DCUN1D4: variants seen among roughly 807,000 people sequenced by gnomAD.
DCUN1D4 encodes defective in cullin neddylation 1 domain containing 4, also known as DCN1-like protein 4.
Under a neutral mutation model 47.9 loss-of-function variants are expected in DCUN1D4, and 22 were observed. That is an observed-to-expected ratio of 0.46 (90% CI 0.33 to 0.66). The LOEUF (loss-of-function observed/expected upper bound fraction) is 0.66. DCUN1D4 is among the 30% of genes least tolerant of loss of function. The pLI is 0.02. For synonymous variants in DCUN1D4, 121 were observed against 112.2 expected, an observed-to-expected ratio of 1.08 and a Z score of -0.50; for missense variants, 301 against 340.8, an observed-to-expected ratio of 0.88 and a Z score of 0.92.
intron 8 of DCUN1D4, among the ~76,000 whole-genome samples, chr4:51,903,052 T>G (rs1278611668): frequency 6.6e-6 from 1 of 152,224 alleles, no homozygotes; most frequent in Admixed American, 6.5e-5. Flanking sequence ...AATATGCTAC[T>G]ATAACTTTTG....
In DCUN1D4 at chr4:51,863,421, C is replaced by A; in HGVS notation, c.26-16C>A. On this transcript the variant is annotated splice_polypyrimidine_tract_variant and intron_variant, in intron 1 of 10. Coordinates refer to ENST00000334635, the MANE Select transcript of DCUN1D4 (RefSeq NM_001040402.3). ...GGAAATAAATGACGCTGACATTTTT[C>A]CTTTTTCTTTTCAAGATTTTCAGCT... The A allele has an allele frequency of 6.3e-7, 1 of 1,591,186 alleles. No individual in the cohort carries two copies. The highest frequency in any genetic ancestry group is 8.6e-7 in the Non-Finnish European group (1 of 1,163,738).
At chr4:51,874,733 CACT>C (rs1452954757) in intron 4 of DCUN1D4, 1 of 187,688 alleles carries the variant, frequency 5.3e-6, no homozygotes, top group Non-Finnish European at 1.1e-5. Flanking sequence ...CTCACTCATT[CACT>C]TCAACCACAG....
intron 5 of DCUN1D4, 138 bp downstream of exon 5, chr4:51,877,992 G>T: frequency 6.5e-6 from 3 of 461,068 alleles, no homozygotes; most frequent in South Asian, 4.9e-5. Flanking sequence ...AGGGAGAGAG[G>T]GACATAGCTG....
At chr4:51,864,194 G>T (rs145750487) in intron 3 of DCUN1D4, among the ~76,000 whole-genome samples, 2 of 152,098 alleles carry the variant, frequency 1.3e-5, no homozygotes, top group Non-Finnish European at 2.9e-5. Context: ...TCACCTGAGG[G>T]AAGGCCTTGT....
chr4:51,863,694 G>T lies in DCUN1D4; in HGVS notation c.121G>T (p.Asp41Tyr). 2 of 1,613,472 alleles carry T rather than the reference G, an allele frequency of 1.2e-6. No homozygotes were observed. The highest frequency in any genetic ancestry group is 1.7e-6 in the Non-Finnish European group (2 of 1,179,818). Residue 41 changes from aspartate to tyrosine, a missense_variant, in exon 3 of 11, where the codon GAC becomes TAC. Around this residue, in one of 2 missense-constraint regions of DCUN1D4, gnomAD observed 131 missense variants for 106.3 expected, o/e 1.23. Coordinates refer to ENST00000334635, the MANE Select transcript of DCUN1D4 (RefSeq NM_001040402.3). ...KLNLTEDIGQ[D>Y]DHQTGSLRSC... is the part of the protein sequence containing the mutation. ...GAACCTAACAGAAGACATTGGCCAA[G>T]ACGATCACCAAACAGGTATCTGTAA...
chr4:51,902,717 A>T (rs1732308276), intron 8 of DCUN1D4, among the ~76,000 whole-genome samples: 1 of 152,192 alleles, frequency 6.6e-6, no homozygotes, highest in Admixed American at 6.5e-5. Context: ...AAACTATTAC[A>T]TTTAATGTAA....
At position 51,913,593 on chromosome 4, in the gene DCUN1D4, G is replaced by A. The variant is rs757340983; in HGVS notation, c.*9G>A. ...ACAAACAGATGTCCTAGGACTTTAT[G>A]CATAGCAGCGAGAGAGTCACTGTTA... On this transcript the variant is annotated 3_prime_UTR_variant, in exon 11 of 11. Transcript: ENST00000334635. The A allele has an allele frequency of 6.2e-7, 1 of 1,610,502 alleles. No individual in the cohort carries two copies. The highest frequency in any genetic ancestry group is 1.7e-5 in the Admixed American group (1 of 59,882).
At chr4:51,850,985 A>AC (rs1167811320) in intron 1 of DCUN1D4, among the ~76,000 whole-genome samples, 1 of 152,138 alleles carries the variant, frequency 6.6e-6, no homozygotes, top group Admixed American at 6.5e-5. Context: ...GGAGGCAAAA[A>AC]TCATAAGTGG....
intron 3 of DCUN1D4, among the ~76,000 whole-genome samples, chr4:51,873,388 G>T (rs1473629318): frequency 6.6e-6 from 1 of 152,154 alleles, no homozygotes; most frequent in Non-Finnish European, 1.5e-5. Context: ...TACCAAGGTG[G>T]GGTATTTTAA....
At chr4:51,895,522 T>C (rs1294793964) in intron 7 of DCUN1D4, among the ~76,000 whole-genome samples, 1 of 149,054 alleles carries the variant, frequency 6.7e-6, no homozygotes, top group Non-Finnish European at 1.5e-5. Flanking sequence ...GCTCCTGTTT[T>C]GGTCTGATGA....
chr4:51,858,234 A>G (rs1724451682), intron 1 of DCUN1D4, among the ~76,000 whole-genome samples: 1 of 152,200 alleles, frequency 6.6e-6, no homozygotes, highest in Admixed American at 6.5e-5. Context: ...TAACATATCC[A>G]TCAAAGGTGA....
At chr4:51,867,988 A>G (rs1304388062) in intron 3 of DCUN1D4, among the ~76,000 whole-genome samples, 1 of 152,202 alleles carries the variant, frequency 6.6e-6, no homozygotes, top group Non-Finnish European at 1.5e-5. Context: ...TTGGTGCCCA[A>G]AGTTTGAAGG....
At chr4:51,878,982 C>T (rs185384859) in intron 5 of DCUN1D4, among the ~76,000 whole-genome samples, 15 of 152,294 alleles carry the variant, frequency 9.8e-5, no homozygotes, top group African/African-American at 2.9e-4. Flanking sequence ...TAACCCAGGC[C>T]AGGCCAGTCA....
chr4:51,875,324 G>C (rs959113816), intron 4 of DCUN1D4: 1 of 152,064 alleles, frequency 6.6e-6, no homozygotes, highest in African/African-American at 2.4e-5. Flanking sequence ...ATACTTTTTT[G>C]GTGGTGTGGA....
upstream of DCUN1D4, among the ~76,000 whole-genome samples, chr4:51,838,447 T>C (rs1282228205): frequency 1.3e-5 from 2 of 152,100 alleles, no homozygotes; most frequent in Non-Finnish European, 2.9e-5. Context: ...AGTGGCGTGA[T>C]CTCAGCTCAC....
chr4:51,863,261 A>C lies in DCUN1D4; in HGVS notation c.26-176A>C, dbSNP rs369330342. On this transcript the variant is annotated intron_variant, in intron 1 of 10. Coordinates refer to ENST00000334635, the MANE Select transcript of DCUN1D4 (RefSeq NM_001040402.3). ...ACTTTAACATTTGGTTGGGAATTTA[A>C]CTTTATTGTCAGACTATTTCTAGGA... Among the ~76,000 whole-genome samples, 13 of 152,356 alleles carry C rather than the reference A, an allele frequency of 8.5e-5. No individual in the cohort carries two copies. In the South Asian group the frequency reaches 1.9e-3, roughly 22 times the overall value.
At chr4:51,906,200 T>A (rs1732870043) in intron 8 of DCUN1D4, among the ~76,000 whole-genome samples, 1 of 152,176 alleles carries the variant, frequency 6.6e-6, no homozygotes, top group Non-Finnish European at 1.5e-5. Flanking sequence ...ATGTACTCTC[T>A]TTCCCAGCAG....
At chr4:51,855,327 A>G (rs527476644) in intron 1 of DCUN1D4, among the ~76,000 whole-genome samples, 2 of 152,240 alleles carry the variant, frequency 1.3e-5, no homozygotes, top group African/African-American at 2.4e-5. Context: ...AACTCTGAAT[A>G]TACTGAAACC....
At chr4:51,895,855 T>G (rs983092310) in intron 7 of DCUN1D4, among the ~76,000 whole-genome samples, 3 of 152,190 alleles carry the variant, frequency 2.0e-5, no homozygotes, top group Admixed American at 6.5e-5. Flanking sequence ...CTACACATTT[T>G]TTTATACATG....
Sources: gnomAD v4.1 joint callset for allele counts (sites outside exome capture counted in the v4.1 genomes callset) on GRCh38, gnomAD v4.1.1 for gene constraint, gnomAD v4.1.1 regional missense constraint, MANE v1.5 for transcripts, NCBI Gene and HGNC (gene_info 2026-07-23, HGNC 2026-07-21) for gene names.